The following ROR2 variants were observed in gnomAD, a reference collection of about 807,000 sequenced individuals.
ROR2 encodes the protein ROR family WNT receptor 2, also known as tyrosine-protein kinase transmembrane receptor ROR2.
In ROR2, 33 loss-of-function variants were observed where a neutral mutation model predicts 74.9. That is an observed-to-expected ratio of 0.44 (90% CI 0.33 to 0.59). The LOEUF (loss-of-function observed/expected upper bound fraction) is 0.59. Ranked by LOEUF, ROR2 falls within the 20% of genes least tolerant of loss-of-function variation. The probability of loss-of-function intolerance (pLI) is 0.02; values close to 1 mark genes in which losing one functional copy is unlikely to be tolerated. For missense variants in ROR2, 1,216 were observed against 1,313.8 expected (o/e 0.93, Z 1.15); for synonymous variants, 586 against 558.7 (o/e 1.05, Z -0.69).
chr9:91,767,754 G>C (rs1342532050), intron 2 of ROR2, among the ~76,000 whole-genome samples: 1 of 152,228 alleles, frequency 6.6e-6, no homozygotes, highest in Non-Finnish European at 1.5e-5. Context: ...AGGAAGGATG[G>C]GAGTCAGATA....
At position 91,902,866 on chromosome 9, in the gene ROR2, G is replaced by T. The variant is rs1300220416; in HGVS notation, c.97+47001C>A. On this transcript the variant is annotated intron_variant, in intron 1 of 8. Transcript: ENST00000375708. Reference sequence around the variant, plus strand: ...ACCGGGCCAGTCACAGAAGGACATAGACTGCATGTTCCACTTCTACAAGGT... The same window carrying T: ...ACCGGGCCAGTCACAGAAGGACATATACTGCATGTTCCACTTCTACAAGGT... Among the ~76,000 whole-genome samples, 7 of 152,286 alleles carry T rather than the reference G, an allele frequency of 4.6e-5. No individual in the cohort carries two copies. In the East Asian group the frequency reaches 1.4e-3, roughly 29 times the overall value.
intron 1 of ROR2, among the ~76,000 whole-genome samples, chr9:91,806,659 A>G (rs1394986118): frequency 3.3e-5 from 5 of 152,096 alleles, no homozygotes; most frequent in South Asian, 2.1e-4. Flanking sequence ...GCACGATCTC[A>G]GCTTACTACA....
intron 1 of ROR2, among the ~76,000 whole-genome samples, chr9:91,939,764 C>T (rs889964218): frequency 8.5e-5 from 13 of 152,168 alleles, no homozygotes; most frequent in African/African-American, 1.7e-4. Flanking sequence ...CTCCTTTCTA[C>T]GCATTAATAC....
chr9:91,924,309 G>A (rs1254250476), intron 1 of ROR2, among the ~76,000 whole-genome samples: 1 of 152,254 alleles, frequency 6.6e-6, no homozygotes, highest in African/African-American at 2.4e-5. Context: ...CTGCGGTGGA[G>A]AGAGGCAAGG....
rs569718323 is a variant in ROR2 at position 91,756,080 on chromosome 9, T to C, written c.485A>G (p.His162Arg). The change falls in exon 4 of 9, where the codon CAT becomes CGT. Residue 162 changes from histidine to arginine, a missense_variant. Physicochemically the swap from His to Arg is conservative, Grantham distance 29. Transcript: ENST00000375708. ...VRLGPTHSPN[H>R]NFQDDYHEDG... ...GAAAACAGATACTTACTGAAAGTTA[T>C]GATTTGGGCTGTGCGTTGGACCTAA... is the stretch of plus-strand genomic sequence containing the variant. 74 of 1,614,064 alleles carry C rather than the reference T, an allele frequency of 4.6e-5. 2 individuals are homozygous for C. The South Asian group carries it at 7.1e-4, about 16-fold the overall frequency.
At chr9:91,775,219 A>G (rs1826379455) in intron 2 of ROR2, among the ~76,000 whole-genome samples, 2 of 152,226 alleles carry the variant, frequency 1.3e-5, no homozygotes. Context: ...TATATGCATT[A>G]GCAAACACGT....
intron 2 of ROR2, among the ~76,000 whole-genome samples, chr9:91,772,914 A>T (rs1280563008): frequency 1.3e-5 from 2 of 152,216 alleles, no homozygotes; most frequent in Non-Finnish European, 2.9e-5. Context: ...TAGAGCACTG[A>T]ATTTGACTTA....
chr9:91,772,339 T>C (rs974589747), intron 2 of ROR2, among the ~76,000 whole-genome samples: 8 of 152,228 alleles, frequency 5.3e-5, no homozygotes, highest in Non-Finnish European at 1.0e-4. Flanking sequence ...CATCAGCTAC[T>C]GTTTCTAGGT....
At chr9:91,783,584 C>T (rs1434215718) in intron 1 of ROR2, among the ~76,000 whole-genome samples, 1 of 150,454 alleles carries the variant, frequency 6.6e-6, no homozygotes, top group Admixed American at 6.6e-5. Flanking sequence ...TCCCACTTCA[C>T]CCCTCCAGGG....
chr9:91,876,607 T>C (rs1272033197), intron 1 of ROR2, among the ~76,000 whole-genome samples: 1 of 151,628 alleles, frequency 6.6e-6, no homozygotes, highest in East Asian at 1.9e-4. Flanking sequence ...AGAAAACAAA[T>C]CACTCCAGAG....
At chr9:91,727,282 A>G (rs760173442) in intron 7 of ROR2, among the ~76,000 whole-genome samples, 2 of 152,206 alleles carry the variant, frequency 1.3e-5, no homozygotes, top group Non-Finnish European at 2.9e-5. Context: ...AACATGCACT[A>G]GATTTAAAAG....
At chr9:91,768,691 A>G (rs1826134200) in intron 2 of ROR2, among the ~76,000 whole-genome samples, 1 of 152,224 alleles carries the variant, frequency 6.6e-6, no homozygotes, top group South Asian at 2.1e-4. Flanking sequence ...GTTCGGAGGC[A>G]GAAATCAGCC....
chr9:91,884,661 A>G (rs542659452), intron 1 of ROR2, among the ~76,000 whole-genome samples: 8 of 151,948 alleles, frequency 5.3e-5, no homozygotes, highest in Non-Finnish European at 1.0e-4. Context: ...ACTCTCTTGG[A>G]TTTTTGGCTG....
At chr9:91,816,276 A>T (rs1827930583) in intron 1 of ROR2, among the ~76,000 whole-genome samples, 1 of 151,870 alleles carries the variant, frequency 6.6e-6, no homozygotes, top group Non-Finnish European at 1.5e-5. Flanking sequence ...GCCACAGGAG[A>T]CCCTTCAAGA....
intron 1 of ROR2, among the ~76,000 whole-genome samples, chr9:91,836,322 T>C (rs1828609233): frequency 6.6e-6 from 1 of 152,048 alleles, no homozygotes; most frequent in Admixed American, 6.6e-5. Flanking sequence ...GGCAGATCAC[T>C]TGAGGTCAGG....
intron 1 of ROR2, among the ~76,000 whole-genome samples, chr9:91,882,143 G>A (rs1296488684): frequency 1.3e-5 from 2 of 151,980 alleles, no homozygotes; most frequent in Non-Finnish European, 2.9e-5. Context: ...CAGGCACGGT[G>A]GATCATGCCT....
At chr9:91,726,894 A>T (rs1237149364) in intron 7 of ROR2, 151 bp from the exon 8 acceptor site, 1 of 768,478 alleles carries the variant, frequency 1.3e-6, no homozygotes, top group African/African-American at 1.7e-5. Context: ...GGCACACCAC[A>T]CCTTAAAAAA....
chr9:91,869,397 A>G (rs1174754751), intron 1 of ROR2, among the ~76,000 whole-genome samples: 1 of 152,214 alleles, frequency 6.6e-6, no homozygotes, highest in Non-Finnish European at 1.5e-5. Context: ...ATAACTGGCA[A>G]AAACTAGAAA....
At chr9:91,894,178 G>A (rs969285351) in intron 1 of ROR2, among the ~76,000 whole-genome samples, 1 of 152,044 alleles carries the variant, frequency 6.6e-6, no homozygotes, top group African/African-American at 2.4e-5. Flanking sequence ...GCTCTTCCTT[G>A]AACACACCAA....
Sources: allele counts gnomAD v4.1 joint callset (sites outside exome capture counted in the v4.1 genomes callset), GRCh38; gene constraint gnomAD v4.1.1; transcripts MANE v1.5; gene names NCBI Gene and HGNC (gene_info 2026-07-23, HGNC 2026-07-21).